TBC1D9: variants seen among roughly 807,000 people sequenced by gnomAD.
The protein encoded by TBC1D9 is TBC1 domain family member 9.
Under a neutral mutation model 132.0 loss-of-function variants are expected in TBC1D9, and 63 were observed. That is an observed-to-expected ratio of 0.48 (90% CI 0.39 to 0.59). The LOEUF (loss-of-function observed/expected upper bound fraction) is 0.59, where lower values mean the gene tolerates loss of function less well. TBC1D9 is among the 20% of genes least tolerant of loss of function. The probability of loss-of-function intolerance (pLI) is 0.00; values close to 1 mark genes in which losing one functional copy is unlikely to be tolerated. For synonymous variants in TBC1D9, 610 were observed against 609.9 expected (o/e 1.00, Z 0.00); for missense variants, 1,261 against 1,592.7 (o/e 0.79, Z 3.54).
At chr4:140,624,481 G>T in intron 18 of TBC1D9, 93 bp from the exon 19 acceptor site, 1 of 1,096,704 alleles carries the variant, frequency 9.1e-7, no homozygotes, top group Non-Finnish European at 1.3e-6. Context: ...GACTCTCTAA[G>T]TAGGGTTGCC....
At chr4:140,688,785 A>C (rs1737828630) in intron 2 of TBC1D9, among the ~76,000 whole-genome samples, 1 of 152,220 alleles carries the variant, frequency 6.6e-6, no homozygotes, top group South Asian at 2.1e-4. Context: ...AATACTGTTC[A>C]AATGCAAATT....
intron 16 of TBC1D9, among the ~76,000 whole-genome samples, chr4:140,630,281 A>G (rs1449575947): frequency 1.3e-5 from 2 of 152,256 alleles, no homozygotes; most frequent in African/African-American, 2.4e-5. Flanking sequence ...ATTTTAGAGC[A>G]CTAAGATAAT....
intron 15 of TBC1D9, among the ~76,000 whole-genome samples, chr4:140,635,786 G>C (rs528283329): frequency 6.6e-6 from 1 of 152,132 alleles, no homozygotes; most frequent in African/African-American, 2.4e-5. Flanking sequence ...TCAAAGTTCC[G>C]TGGGCTTTGG....
At position 140,634,100 on chromosome 4, in the gene TBC1D9, C is replaced by T. The variant is rs753790959; in HGVS notation, c.2594G>A (p.Arg865His). 7.4e-6 allele frequency: 12 copies of T among 1,613,864 alleles called. No individual in the cohort carries two copies. Among genetic ancestry groups the T allele is most frequent in the African/African-American group, 1.3e-5 (1 of 74,922 alleles). Reference sequence around the variant, plus strand: ...TCCCTTGAACTGCTCGAAGTCAATGCGATACTGTTCCAGGTAGGGCAGGCT... The same window carrying T: ...TCCCTTGAACTGCTCGAAGTCAATGTGATACTGTTCCAGGTAGGGCAGGCT... The part of the protein sequence containing the change: ...DPSLPYLEQY[R>H]IDFEQFKGMF... The change falls in exon 16 of 21, where the codon CGC becomes CAC. Residue 865 changes from arginine (R) to histidine (H), a missense_variant. Coordinates refer to ENST00000442267, the MANE Select transcript of TBC1D9 (RefSeq NM_015130.3).
At chr4:140,678,884 T>A (rs1380993387) in intron 5 of TBC1D9, 58 bp downstream of exon 5, 2 of 1,564,488 alleles carry the variant, frequency 1.3e-6, no homozygotes, top group African/African-American at 2.7e-5. Context: ...ACTGAATAAA[T>A]GAATGAGTGA....
At chr4:140,645,140 G>A (rs1199481297) in intron 13 of TBC1D9, 13 of 563,290 alleles carry the variant, frequency 2.3e-5, no homozygotes, top group African/African-American at 2.1e-4. Flanking sequence ...GGTGCACGTG[G>A]GCCAGGTCAG....
At chr4:140,690,072 T>C (rs13120689) in intron 2 of TBC1D9, among the ~76,000 whole-genome samples, 54,754 of 151,564 alleles carry the variant, frequency 0.36, 11,818 homozygotes, top group South Asian at 0.48. Flanking sequence ...TGCACACATT[T>C]CTATATGTAC....
chr4:140,707,956 T>A (rs1039223589), intron 1 of TBC1D9, among the ~76,000 whole-genome samples: 2 of 152,102 alleles, frequency 1.3e-5, no homozygotes, highest in African/African-American at 4.8e-5. Flanking sequence ...CTAAGGTAAT[T>A]ACTACATTGT....
chr4:140,635,536 T>C (rs1451548691), intron 15 of TBC1D9, among the ~76,000 whole-genome samples: 5 of 152,178 alleles, frequency 3.3e-5, no homozygotes, highest in African/African-American at 1.2e-4. Flanking sequence ...AATCCTTCTC[T>C]TTTCCCTAGG....
intron 1 of TBC1D9, among the ~76,000 whole-genome samples, chr4:140,724,732 C>G (rs1738473066): frequency 6.7e-6 from 1 of 150,070 alleles, no homozygotes; most frequent in South Asian, 2.1e-4. Context: ...AGAAAAGGAG[C>G]AACCACCAAA....
In TBC1D9 at chr4:140,622,494, G is replaced by T; in HGVS notation, c.3502C>A (p.Leu1168Met). 1 of 1,614,060 alleles carries T rather than the reference G, an allele frequency of 6.2e-7. No homozygotes were observed. The highest frequency in any genetic ancestry group is 8.5e-7 in the Non-Finnish European group (1 of 1,179,898). Residue 1168 changes from leucine to methionine, a missense_variant, in exon 21 of 21, where the codon CTG (leucine) becomes ATG (methionine). Transcript: ENST00000442267. Reference protein sequence around the residue: ...DDSSMSSYSVLSAGSHEEDKL... With the variant: ...DDSSMSSYSVMSAGSHEEDKL... ...TCCTCCTCGTGGGAGCCGGCACTCA[G>T]CACCGAGTATGAGGACATGGAGCTG...
At chr4:140,659,411 G>T in intron 11 of TBC1D9, 177 bp downstream of exon 11, 1 of 488,722 alleles carries the variant, frequency 2.0e-6, no homozygotes, top group Non-Finnish European at 3.6e-6. Context: ...ACTCCACGGG[G>T]CTCCTTTGTA....
At chr4:140,669,296 C>A (rs1737498681) in intron 8 of TBC1D9, among the ~76,000 whole-genome samples, 1 of 152,120 alleles carries the variant, frequency 6.6e-6, no homozygotes, top group African/African-American at 2.4e-5. Context: ...ATCCTACTTA[C>A]CTGAGATTGT....
At chr4:140,743,298 C>T (rs1035617865) in intron 1 of TBC1D9, among the ~76,000 whole-genome samples, 1 of 152,148 alleles carries the variant, frequency 6.6e-6, no homozygotes, top group Non-Finnish European at 1.5e-5. Context: ...GAGATCATCA[C>T]CAAGGGAGGA....
chr4:140,677,355 C>CA (rs1437170403), intron 5 of TBC1D9, among the ~76,000 whole-genome samples: 1 of 152,228 alleles, frequency 6.6e-6, no homozygotes, highest in Non-Finnish European at 1.5e-5. Flanking sequence ...AGAATCATAG[C>CA]AAAAATAAGC....
At chr4:140,638,145 C>T (rs754423144) in intron 15 of TBC1D9, among the ~76,000 whole-genome samples, 30 of 152,148 alleles carry the variant, frequency 2.0e-4, no homozygotes, top group Non-Finnish European at 5.9e-5. Context: ...ATGTTCGTTT[C>T]TATTTCCTCC....
At chr4:140,647,894 T>TGGGGGTCTCTCCCTCCCCCGACTTTGGG (rs556162281) in intron 13 of TBC1D9, among the ~76,000 whole-genome samples, 46 of 152,068 alleles carry the variant, frequency 3.0e-4, no homozygotes, top group East Asian at 1.2e-3. Flanking sequence ...TAGAATGACA[T>TGGGGGTCTCTCCCTCCCCCGACTTTGGG]GGGGGTCTCT....
intron 1 of TBC1D9, among the ~76,000 whole-genome samples, chr4:140,741,645 G>C (rs1738760145): frequency 1.3e-5 from 2 of 152,190 alleles, no homozygotes; most frequent in Admixed American, 6.5e-5. Flanking sequence ...TTGAGTCCAG[G>C]AGGCAGAGGA....
At chr4:140,672,767 T>C (rs1253701971) in intron 6 of TBC1D9, among the ~76,000 whole-genome samples, 1 of 152,142 alleles carries the variant, frequency 6.6e-6, no homozygotes, top group African/African-American at 2.4e-5. Context: ...TCTGCTACAA[T>C]ATAATGAGAC....
Sources: allele counts gnomAD v4.1 joint callset (sites outside exome capture counted in the v4.1 genomes callset), GRCh38; gene constraint gnomAD v4.1.1; transcripts MANE v1.5; gene names NCBI Gene and HGNC (gene_info 2026-07-23, HGNC 2026-07-21).